CPA3: variants seen among roughly 807,000 people sequenced by gnomAD.
CPA3 encodes the protein carboxypeptidase A3, also known as mast cell carboxypeptidase A.
A neutral mutation model predicts 55.8 loss-of-function variants in CPA3; 52 were observed. That is an observed-to-expected ratio of 0.93 (90% CI 0.75 to 1.17). The LOEUF (loss-of-function observed/expected upper bound fraction) is 1.17. CPA3 is among the 50% of genes most tolerant of loss of function. CPA3 has a pLI of 0.00. For synonymous variants in CPA3, 179 were observed against 171.2 expected, an observed-to-expected ratio of 1.05 and a Z score of -0.36; for missense variants, 547 against 509.1, an observed-to-expected ratio of 1.07 and a Z score of -0.72.
chr3:148,874,294 T>C (rs1423358234), intron 3 of CPA3, among the ~76,000 whole-genome samples: 1 of 152,206 alleles, frequency 6.6e-6, no homozygotes, highest in Non-Finnish European at 1.5e-5. Flanking sequence ...ACAAGCTTCC[T>C]GTGACTAATT....
rs766144929 is a variant in CPA3, at chr3:148,865,542, C to T, written c.138C>T (p.Thr46=). 6.8e-6 allele frequency: 11 copies of T among 1,613,404 alleles called. No homozygotes were observed. Among genetic ancestry groups the T allele is most frequent in the Middle Eastern group, 1.6e-4 (1 of 6,084 alleles). Residue 46 remains threonine, a synonymous_variant, in exon 2 of 11, where the codon ACC becomes ACT. Transcript: ENST00000296046. ...ACATCATAAAGGACTTGGCCAAAAC[C>T]AATGAGGTAAGCATTTAGAGGGATA... ...QADIIKDLAK[T]NELDFWYPGA...
Position 148,865,375 on chromosome 3 carries a change from G to T in CPA3, c.68G>T (p.Arg23Met). ...GCAATTGCTCCTGTCCGCTTTGACA[G>T]GTAAATCTTACTTCCTGTGTTCCAG... ...TLAIAPVRFD[R>M]EKVFRVKPQD... Residue 23 changes from arginine to methionine, a missense_variant and splice_region_variant, in exon 1 of 11, where the codon AGG becomes ATG. Transcript: ENST00000296046. 1 of 1,614,050 alleles carries T rather than the reference G, an allele frequency of 6.2e-7. No individual in the cohort carries two copies. The highest frequency in any genetic ancestry group is 8.5e-7 in the Non-Finnish European group (1 of 1,179,962).
chr3:148,865,380 A>G lies in CPA3; in HGVS notation c.68+5A>G. On this transcript the variant is annotated splice_donor_5th_base_variant and intron_variant, in intron 1 of 10. Coordinates refer to ENST00000296046, the MANE Select transcript of CPA3 (RefSeq NM_001870.4). ...TGCTCCTGTCCGCTTTGACAGGTAA[A>G]TCTTACTTCCTGTGTTCCAGTCTCT... is the stretch of plus-strand genomic sequence containing the variant. 2 of 1,613,844 alleles carry G rather than the reference A, an allele frequency of 1.2e-6. No individual in the cohort carries two copies. The highest frequency in any genetic ancestry group is 2.2e-5 in the East Asian group (1 of 44,864).
At chr3:148,868,288 C>A (rs183814405) in intron 2 of CPA3, among the ~76,000 whole-genome samples, 2 of 152,070 alleles carry the variant, frequency 1.3e-5, no homozygotes, top group Non-Finnish European at 2.9e-5. Context: ...AAAAAATCTG[C>A]ACCTGTTAAC....
chr3:148,886,217 T>C (rs1714524397), intron 10 of CPA3, 40 bp downstream of exon 10: 2 of 1,399,104 alleles, frequency 1.4e-6, no homozygotes, highest in East Asian at 2.3e-5. Context: ...TTTTCCCTAA[T>C]TATTTTTTAC....
intron 3 of CPA3, 121 bp downstream of exon 3, chr3:148,869,160 T>C: frequency 7.1e-6 from 8 of 1,119,888 alleles, no homozygotes; most frequent in Non-Finnish European, 1.0e-5. Context: ...AAGCTCTTTC[T>C]GTAAGATACA....
Position 148,879,818 on chromosome 3 carries a change from A to G in CPA3, c.505A>G (p.Ile169Val). ...GGAAAAGAATGAAAGAAGAAAGGCT[A>G]TTTTTACGGATTGTGGCATTCACGC... is the stretch of plus-strand genomic sequence containing the variant. The part of the protein sequence containing the change: ...IGEKNERRKA[I>V]FTDCGIHARE... Residue 169 changes from isoleucine (I) to valine (V), a missense_variant, in exon 6 of 11, where the codon ATT becomes GTT. Ile to Val is a conservative substitution (Grantham distance 29, BLOSUM62 3). Coordinates refer to ENST00000296046, the MANE Select transcript of CPA3 (RefSeq NM_001870.4). The G allele has an allele frequency of 1.2e-6, 2 of 1,611,974 alleles. No homozygotes were observed. Among genetic ancestry groups the G allele is most frequent in the South Asian group, 1.1e-5 (1 of 91,008 alleles).
At chr3:148,879,665 T>C (rs1160039525) in intron 5 of CPA3, 123 bp from the exon 6 acceptor site, 2 of 661,052 alleles carry the variant, frequency 3.0e-6, no homozygotes, top group East Asian at 5.5e-5. Flanking sequence ...TGTGCATACA[T>C]GGTTCTCATT....
At chr3:148,893,199 T>C (rs1714723817) in intron 10 of CPA3, among the ~76,000 whole-genome samples, 1 of 151,722 alleles carries the variant, frequency 6.6e-6, no homozygotes, top group South Asian at 2.1e-4. Context: ...ACTGAGATGA[T>C]TGCAGTTTCA....
At chr3:148,892,738 G>A (rs1230333672) in intron 10 of CPA3, among the ~76,000 whole-genome samples, 4 of 152,150 alleles carry the variant, frequency 2.6e-5, no homozygotes, top group African/African-American at 4.8e-5. Flanking sequence ...AGCACTTTGG[G>A]AGGCCGAGGT....
rs79555405 is a variant in CPA3, at chr3:148,883,505, G to A, written c.779-108G>A. 3.6e-3 allele frequency: 3,117 copies of A among 876,032 alleles called. 68 individuals carry two copies. In the African/African-American group the frequency reaches 0.047, roughly 13 times the overall value. The allele number at this position is 876,032 out of a possible 1,614,324, so 54.3% of individuals were successfully genotyped here. ...CATTGAAGCAGCCCTGTAAACATGA[G>A]AGGCAAAAACATTTAAAACATTCTG... On this transcript the variant is annotated intron_variant, in intron 8 of 10. Transcript: ENST00000296046.
At chr3:148,871,174 T>C (rs1714056670) in intron 3 of CPA3, among the ~76,000 whole-genome samples, 1 of 152,306 alleles carries the variant, frequency 6.6e-6, no homozygotes. Context: ...CCAGGCCTAC[T>C]GTGTCTCTTG....
intron 2 of CPA3, among the ~76,000 whole-genome samples, chr3:148,865,936 T>C (rs1011391354): frequency 1.3e-5 from 2 of 152,206 alleles, no homozygotes; most frequent in African/African-American, 4.8e-5. Flanking sequence ...ACTGAAAACG[T>C]TGAGGCACTG....
chr3:148,895,436 C>A (rs1714800551), intron 10 of CPA3, among the ~76,000 whole-genome samples: 1 of 152,088 alleles, frequency 6.6e-6, no homozygotes, highest in Non-Finnish European at 1.5e-5. Flanking sequence ...TCTCTTTTTT[C>A]TTTTAAATCT....
At chr3:148,875,960 T>C (rs1714189892) in intron 3 of CPA3, among the ~76,000 whole-genome samples, 2 of 150,486 alleles carry the variant, frequency 1.3e-5, no homozygotes, top group Admixed American at 6.6e-5. Context: ...GTTCAGAGAG[T>C]TTTCCAATGC....
intron 9 of CPA3, among the ~76,000 whole-genome samples, chr3:148,885,363 T>C (rs1714498852): frequency 6.7e-6 from 1 of 149,284 alleles, no homozygotes; most frequent in Non-Finnish European, 1.5e-5. Flanking sequence ...AAACACAAAA[T>C]GAGATATGGC....
intron 3 of CPA3, among the ~76,000 whole-genome samples, chr3:148,874,641 T>A (rs1298530897): frequency 1.3e-5 from 2 of 152,160 alleles, no homozygotes; most frequent in Non-Finnish European, 2.9e-5. Context: ...CTAATAGGAA[T>A]CAATATTCAT....
intron 3 of CPA3, among the ~76,000 whole-genome samples, chr3:148,872,634 T>C (rs1454266208): frequency 1.9e-4 from 29 of 152,198 alleles, no homozygotes; most frequent in Non-Finnish European, 1.5e-5. Flanking sequence ...ATATACACAG[T>C]CCTATCCAGT....
Position 148,896,594 on chromosome 3 carries a change from G to A in CPA3, c.1141G>A (p.Asp381Asn). 1 of 1,589,888 alleles carries A rather than the reference G, an allele frequency of 6.3e-7. No homozygotes were observed. The highest frequency in any genetic ancestry group is 1.3e-5 in the African/African-American group (1 of 74,750). ...ACACACATTTGCCTTTGAGCTCCGA[G>A]ATAAAGGCAAATTTGGTTTTCTCCT... ...IKHTFAFELR[D>N]KGKFGFLLPE... The change falls in exon 11 of 11, where the codon GAT becomes AAT. Residue 381 changes from aspartate (D) to asparagine (N), a missense_variant. Transcript: ENST00000296046.
Sources: allele counts gnomAD v4.1 joint callset (sites outside exome capture counted in the v4.1 genomes callset), GRCh38; gene constraint gnomAD v4.1.1; transcripts MANE v1.5; gene names NCBI Gene and HGNC (gene_info 2026-07-23, HGNC 2026-07-21).